Variants in NCAPG2 observed in about 807,000 individuals in gnomAD.
The protein encoded by NCAPG2 is non-SMC condensin II complex subunit G2.
Under a neutral mutation model 141.1 loss-of-function variants are expected in NCAPG2, and 53 were observed. That is an observed-to-expected ratio of 0.38 (90% CI 0.30 to 0.47). The LOEUF is 0.47. NCAPG2 is among the 20% of genes least tolerant of loss of function. The pLI is 0.99. For synonymous variants in NCAPG2, 499 were observed against 490.7 expected (o/e 1.02, Z -0.22); for missense variants, 1,087 against 1,389.0 (o/e 0.78, Z 3.46).
intron 27 of NCAPG2, among the ~76,000 whole-genome samples, chr7:158,637,052 A>G (rs898146913): frequency 1.3e-5 from 2 of 151,362 alleles, no homozygotes; most frequent in Non-Finnish European, 2.9e-5. Flanking sequence ...GGTTCATGCC[A>G]TTCTCCTGCC....
chr7:158,653,901 A>G (rs1176019366), intron 22 of NCAPG2, among the ~76,000 whole-genome samples: 2 of 152,126 alleles, frequency 1.3e-5, no homozygotes, highest in Non-Finnish European at 2.9e-5. Flanking sequence ...GCTACACCAC[A>G]GAAGCGGCTG....
At position 158,664,214 on chromosome 7, in the gene NCAPG2, T is replaced by G. The variant is rs915165195; in HGVS notation, c.1785A>C (p.Glu595Asp). The change falls in exon 15 of 28, where the codon GAA becomes GAC. Residue 595 changes from glutamate to aspartate, a missense_variant. Glu to Asp is a conservative substitution (Grantham distance 45). Coordinates refer to ENST00000356309, the MANE Select transcript of NCAPG2 (RefSeq NM_017760.7). ...CATTCTCCTTCTCCCTTCCGTCCTC[T>G]TCCTCCTCGTCCTCTGGAGGCTCTC... ...AVREPPEDEE[E>D]EDGREKENVT... 6.2e-7 allele frequency: 1 copy of G among 1,613,080 alleles called. No individual in the cohort carries two copies. The highest frequency in any genetic ancestry group is 1.3e-5 in the African/African-American group (1 of 74,930).
At chr7:158,641,563 A>G (rs1017979714) in intron 27 of NCAPG2, 132 of 610,826 alleles carry the variant, frequency 2.2e-4, no homozygotes, top group Non-Finnish European at 2.6e-4. Context: ...ATCTTGGAAA[A>G]AAAAAAAAAA....
At chr7:158,669,090 G>T (rs1326328994) in intron 13 of NCAPG2, among the ~76,000 whole-genome samples, 1 of 152,138 alleles carries the variant, frequency 6.6e-6, no homozygotes, top group African/African-American at 2.4e-5. Context: ...TCCCTGCAAA[G>T]AACATGATCT....
At position 158,662,402 on chromosome 7, in the gene NCAPG2, A is replaced by G. The variant is rs770479038; in HGVS notation, c.1816-35T>C. 6 of 1,493,342 alleles carry G rather than the reference A, an allele frequency of 4.0e-6. No individual in the cohort carries two copies. In the East Asian group the frequency reaches 1.2e-4, roughly 30 times the overall value. 92.5% of individuals were successfully genotyped at this position (1,493,342 alleles called of 1,614,324 possible). A position where few individuals can be genotyped will look rare whatever the true frequency, so the allele number is the denominator to read the frequency against. On this transcript the variant is annotated intron_variant, in intron 15 of 27. Transcript: ENST00000356309. ...AAATAATTTTATTGTGAAAGGATCT[A>G]ATCATAGCAACTACTAAAAGGTAAC...
At position 158,690,658 on chromosome 7, in the gene NCAPG2, A is replaced by T; in HGVS notation, c.447T>A (p.Val149=). 5 of 1,614,110 alleles carry T rather than the reference A, an allele frequency of 3.1e-6. No individual in the cohort carries two copies. Among genetic ancestry groups the T allele is most frequent in the Non-Finnish European group, 4.2e-6 (5 of 1,179,946 alleles). Residue 149 remains valine, a synonymous_variant, in exon 5 of 28, where the codon GTT becomes GTA. Coordinates refer to ENST00000356309, the MANE Select transcript of NCAPG2 (RefSeq NM_017760.7). ...KLQSSIQDLC[V]TWWEKGLPAK... ...CAGGCAGGCCTTTCTCCCACCAGGT[A>T]ACACACAAATCCTGAATAGAACTCT...
intron 11 of NCAPG2, 95 bp downstream of exon 11, chr7:158,679,865 G>C: frequency 6.9e-7 from 1 of 1,454,792 alleles, no homozygotes; most frequent in Non-Finnish European, 9.3e-7. Flanking sequence ...GAGCTCTGGC[G>C]GTTACAGGGG....
intron 6 of NCAPG2, 25 bp downstream of exon 6, chr7:158,689,794 G>C (rs1176914973): frequency 6.5e-7 from 1 of 1,541,740 alleles, no homozygotes; most frequent in East Asian, 2.3e-5. Context: ...CTCACAAACA[G>C]ATCAAAAAAC....
Position 158,671,536 on chromosome 7 carries a change from A to C in NCAPG2, c.1457T>G (p.Ile486Ser). 6.2e-7 allele frequency: 1 copy of C among 1,614,218 alleles called. No homozygotes were observed. Among genetic ancestry groups the C allele is most frequent in the Non-Finnish European group, 8.5e-7 (1 of 1,180,034 alleles). Residue 486 changes from isoleucine to serine, a missense_variant, in exon 13 of 28, where the codon ATC (isoleucine) becomes AGC (serine). Coordinates refer to ENST00000356309, the MANE Select transcript of NCAPG2 (RefSeq NM_017760.7). The part of the protein sequence containing the change: ...RVAFVDMLLK[I>S]KAVRAAKFWK... ...TACCTTAGCAGCCCTCACAGCTTTG[A>C]TCTTCAACAGCATGTCCACAAAAGC... is the stretch of plus-strand genomic sequence containing the variant.
At chr7:158,645,676 A>C in intron 25 of NCAPG2, 57 bp from the exon 26 acceptor site, 1 of 1,492,878 alleles carries the variant, frequency 6.7e-7, no homozygotes, top group South Asian at 1.1e-5. Context: ...CTAATACATT[A>C]TAGCAGAAGT....
In NCAPG2 at chr7:158,652,287, G is replaced by A. The variant is rs771668633; in HGVS notation, c.2934+6C>T. 1.2e-6 allele frequency: 2 copies of A among 1,612,146 alleles called. No individual in the cohort carries two copies. Among genetic ancestry groups the A allele is most frequent in the Non-Finnish European group, 8.5e-7 (1 of 1,179,578 alleles). On this transcript the variant is annotated splice_donor_region_variant and intron_variant, in intron 23 of 27. Transcript: ENST00000356309. ...AGCGAACCCCGTCCTGGGGAGTTCT[G>A]AGTACCCGCAGGCCTTCTTCCGGCT...
At chr7:158,646,806 A>T (rs6459888) in intron 24 of NCAPG2, among the ~76,000 whole-genome samples, 113,640 of 152,130 alleles carry the variant, frequency 0.75, 42,730 homozygotes, top group East Asian at 0.97. Flanking sequence ...GGCAAGAGGA[A>T]TGCTTGAGGT....
intron 12 of NCAPG2, among the ~76,000 whole-genome samples, chr7:158,673,233 G>C (rs1031269257): frequency 1.3e-5 from 2 of 152,204 alleles, no homozygotes; most frequent in African/African-American, 4.8e-5. Context: ...GAGGAGCAAG[G>C]GGGAGAGAGG....
intron 27 of NCAPG2, among the ~76,000 whole-genome samples, chr7:158,639,201 G>A (rs529137775): frequency 6.6e-6 from 1 of 152,032 alleles, no homozygotes; most frequent in African/African-American, 2.4e-5. Flanking sequence ...TCAACCTCCT[G>A]GGCTCAAGTG....
At chr7:158,673,464 A>G (rs573688305) in intron 12 of NCAPG2, among the ~76,000 whole-genome samples, 57 of 152,300 alleles carry the variant, frequency 3.7e-4, no homozygotes, top group Admixed American at 3.1e-3. Context: ...CCAGTGTGCA[A>G]TAGTGAATCA....
intron 23 of NCAPG2, among the ~76,000 whole-genome samples, chr7:158,652,082 G>A (rs1409296360): frequency 6.6e-6 from 1 of 152,084 alleles, no homozygotes; most frequent in East Asian, 1.9e-4. Flanking sequence ...CCCATGCACA[G>A]GGGTCACCAT....
intron 13 of NCAPG2, among the ~76,000 whole-genome samples, chr7:158,665,537 C>A (rs767820472): frequency 2.0e-5 from 3 of 152,214 alleles, no homozygotes; most frequent in Admixed American, 2.0e-4. Flanking sequence ...TCTCAAGAAC[C>A]TTGCTCCAAG....
rs1830202886 is a variant in NCAPG2 at position 158,636,432 on chromosome 7, A to T, written c.3381-4715T>A. Among the ~76,000 whole-genome samples, 15 of 130,530 alleles carry T rather than the reference A, an allele frequency of 1.1e-4. No homozygotes were observed. In the South Asian group the frequency reaches 2.6e-3, roughly 23 times the overall value. 85.6% of individuals were successfully genotyped at this position (130,530 alleles called of 152,430 possible). A position where few individuals can be genotyped will look rare whatever the true frequency, so the allele number is the denominator to read the frequency against. ...TTTTTTTTTTTTGAGATGGAGTTTCACTCTTAATGCCCAGGCTGGAGTGCA... is the reference window on the plus strand; with the variant it reads ...TTTTTTTTTTTTGAGATGGAGTTTCTCTCTTAATGCCCAGGCTGGAGTGCA... On this transcript the variant is annotated intron_variant, in intron 27 of 27. Transcript: ENST00000356309.
At chr7:158,693,168 C>A in intron 3 of NCAPG2, 141 bp downstream of exon 3, 1 of 953,474 alleles carries the variant, frequency 1.0e-6, no homozygotes. Context: ...GTGAATAAAA[C>A]TACAACAGAC....
Sources: allele counts gnomAD v4.1 joint callset (sites outside exome capture counted in the v4.1 genomes callset), GRCh38; gene constraint gnomAD v4.1.1; transcripts MANE v1.5; gene names NCBI Gene and HGNC (gene_info 2026-07-23, HGNC 2026-07-21).